TMEM217: variants seen among roughly 807,000 people sequenced by gnomAD.
TMEM217 encodes the protein chromosome 6 open reading frame 128.
For missense variants in TMEM217, 204 were observed against 248.8 expected (o/e 0.82, Z 1.21); for synonymous variants, 76 against 88.3 (o/e 0.86, Z 0.78).
chr6:37,220,403 G>C (rs1193367633), intron 1 of TMEM217, among the ~76,000 whole-genome samples: 1 of 152,132 alleles, frequency 6.6e-6, no homozygotes, highest in Non-Finnish European at 1.5e-5. Context: ...ATCCCCAAAG[G>C]CCTACGATTA....
downstream of TMEM217, chr6:37,212,899 A>G (rs1348252811): frequency 1.5e-5 from 23 of 1,542,092 alleles, no homozygotes; most frequent in Non-Finnish European, 2.0e-5. Flanking sequence ...GTTCAGGTCA[A>G]AGATGAAGAA....
intron 1 of TMEM217, among the ~76,000 whole-genome samples, chr6:37,249,528 C>T (rs980145696): frequency 1.3e-5 from 2 of 152,102 alleles, no homozygotes; most frequent in Non-Finnish European, 2.9e-5. Flanking sequence ...ACCATGCTGG[C>T]CAAGCTGGTT....
chr6:37,218,231 G>A (rs981904173), exon 2 of TMEM217: 208 of 1,332,404 alleles, frequency 1.6e-4, no homozygotes, highest in Middle Eastern at 2.8e-4. Context: ...GTGCACTGGC[G>A]CAATCTCGGC....
intron 1 of TMEM217, among the ~76,000 whole-genome samples, chr6:37,236,490 A>T (rs1764510644): frequency 6.6e-6 from 1 of 152,092 alleles, no homozygotes; most frequent in Non-Finnish European, 1.5e-5. Context: ...GTAACCAAGG[A>T]TATCCTGAAA....
At chr6:37,215,561 ACT>A (rs1763142716), downstream of TMEM217, among the ~76,000 whole-genome samples, 1 of 118,030 alleles carries the variant, frequency 8.5e-6, no homozygotes, top group Admixed American at 1.1e-4. Flanking sequence ...GCAGAGCGAG[ACT>A]CTGTCTCAAA....
chr6:37,254,391 T>A (rs1034602542), intron 1 of TMEM217, among the ~76,000 whole-genome samples: 4 of 152,194 alleles, frequency 2.6e-5, no homozygotes, highest in Non-Finnish European at 4.4e-5. Flanking sequence ...CTATCAGCCC[T>A]TTGATGACAG....
intron 1 of TMEM217, among the ~76,000 whole-genome samples, chr6:37,247,294 A>G (rs1219281996): frequency 6.6e-6 from 1 of 152,200 alleles, no homozygotes; most frequent in African/African-American, 2.4e-5. Context: ...TTTGAGTCCA[A>G]GTAGTTTATT....
At chr6:37,254,740 G>C (rs1765622544) in intron 1 of TMEM217, among the ~76,000 whole-genome samples, 1 of 152,130 alleles carries the variant, frequency 6.6e-6, no homozygotes, top group Non-Finnish European at 1.5e-5. Context: ...AGGTGCTGGG[G>C]ATACAGCAGG....
intron 1 of TMEM217, among the ~76,000 whole-genome samples, chr6:37,229,347 T>TG (rs1554170991): frequency 7.6e-5 from 10 of 131,134 alleles, no homozygotes; most frequent in African/African-American, 3.0e-4. Flanking sequence ...TTTTTTTTTT[T>TG]TTTTTTTTTT....
exon 1 of TMEM217, chr6:37,258,072 GA>G: frequency 7.2e-7 from 1 of 1,384,954 alleles, no homozygotes. Flanking sequence ...GAGGCCAGAA[GA>G]CTGGTTTGGG....
intron 1 of TMEM217, among the ~76,000 whole-genome samples, chr6:37,242,856 C>G (rs1764842001): frequency 6.6e-6 from 1 of 152,164 alleles, no homozygotes; most frequent in African/African-American, 2.4e-5. Flanking sequence ...ACACCAGTAT[C>G]CCAGGCAGGA....
At chr6:37,242,940 GTCT>G (rs201905689) in intron 1 of TMEM217, among the ~76,000 whole-genome samples, 3,095 of 152,212 alleles carry the variant, frequency 0.02, 67 homozygotes, top group Non-Finnish European at 0.033. Flanking sequence ...ACCCCTAGCA[GTCT>G]TCTTCTCATG....
At chr6:37,244,507 A>G (rs1361737829) in intron 1 of TMEM217, among the ~76,000 whole-genome samples, 1 of 152,232 alleles carries the variant, frequency 6.6e-6, no homozygotes, top group Non-Finnish European at 1.5e-5. Context: ...GTCTACCTCA[A>G]CTTCTCCCTT....
intron 1 of TMEM217, among the ~76,000 whole-genome samples, chr6:37,235,397 G>GC (rs1157971384): frequency 1.3e-5 from 2 of 151,864 alleles, no homozygotes; most frequent in Non-Finnish European, 2.9e-5. Context: ...ACAGAGTCTT[G>GC]CTCTGTCGCC....
At chr6:37,247,066 T>C (rs906173675) in intron 1 of TMEM217, among the ~76,000 whole-genome samples, 3 of 152,170 alleles carry the variant, frequency 2.0e-5, no homozygotes, top group African/African-American at 7.2e-5. Context: ...GATCTGGTCA[T>C]GTCATGTCCC....
exon 2 of TMEM217, chr6:37,218,974 C>T (rs1217172887): frequency 1.9e-6 from 3 of 1,614,108 alleles, no homozygotes; most frequent in Admixed American, 3.3e-5. Flanking sequence ...TGGTGAAGAC[C>T]CCTGACAACA....
chr6:37,243,594 G>T (rs1764901647), intron 1 of TMEM217, among the ~76,000 whole-genome samples: 1 of 152,070 alleles, frequency 6.6e-6, no homozygotes, highest in African/African-American at 2.4e-5. Context: ...AGAGGTTAGG[G>T]TTTTGTTTTG....
At chr6:37,252,597 GTGTGTGTGTGTA>G (rs1234881243) in intron 1 of TMEM217, among the ~76,000 whole-genome samples, 6 of 19,724 alleles carry the variant, frequency 3.0e-4, no homozygotes, top group Middle Eastern at 0.022. Flanking sequence ...GTATGTGTGT[GTGTGTGTGTGTA>G]TGTGTGTGTA....
intron 1 of TMEM217, among the ~76,000 whole-genome samples, chr6:37,220,097 AAAAT>A (rs1232821153): frequency 6.6e-6 from 1 of 152,238 alleles, no homozygotes; most frequent in African/African-American, 2.4e-5. Context: ...TAGGAGGAAG[AAAAT>A]AAATAGAAGC....
Sources: gnomAD v4.1 joint callset for allele counts (sites outside exome capture counted in the v4.1 genomes callset) on GRCh38, gnomAD v4.1.1 for gene constraint, MANE v1.5 for transcripts, NCBI Gene and HGNC (gene_info 2026-07-23, HGNC 2026-07-21) for gene names.